PLD5: variants seen among roughly 807,000 people sequenced by gnomAD.
PLD5 encodes phospholipase D family member 5, also known as inactive phospholipase D5.
In PLD5, 36 loss-of-function variants were observed where a neutral mutation model predicts 61.1. The observed-to-expected ratio is 0.59, with a 90% CI of 0.45 to 0.78. The LOEUF is 0.78. PLD5 is among the 30% of genes least tolerant of loss of function. PLD5 has a pLI of 0.00. For missense variants in PLD5, 515 were observed against 644.4 expected (o/e 0.80, Z 2.17); for synonymous variants, 243 against 242.8 (o/e 1.00, Z -0.01).
chr1:242,515,511 C>A (rs982804333), intron 1 of PLD5, among the ~76,000 whole-genome samples: 1 of 152,208 alleles, frequency 6.6e-6, no homozygotes, highest in African/African-American at 2.4e-5. Context: ...CCACGCCTGG[C>A]CAGCTTTGCC....
intron 5 of PLD5, among the ~76,000 whole-genome samples, chr1:242,171,220 G>C (rs887518097): frequency 1.3e-5 from 2 of 152,214 alleles, no homozygotes; most frequent in African/African-American, 4.8e-5. Flanking sequence ...CCAGAAGAGA[G>C]TGGGGGCCAA....
chr1:242,346,966 TC>T (rs1660174027), intron 2 of PLD5, among the ~76,000 whole-genome samples: 1 of 152,242 alleles, frequency 6.6e-6, no homozygotes, highest in Admixed American at 6.5e-5. Flanking sequence ...TCCATTCATG[TC>T]CCTGCAAAGG....
At chr1:242,233,095 A>C (rs531683246) in intron 4 of PLD5, among the ~76,000 whole-genome samples, 1 of 152,310 alleles carries the variant, frequency 6.6e-6, no homozygotes, top group East Asian at 1.9e-4. Flanking sequence ...CCAAGGTTGC[A>C]GTGAGCTGAG....
chr1:242,123,730 C>T (rs763251203), intron 6 of PLD5, among the ~76,000 whole-genome samples: 24 of 152,142 alleles, frequency 1.6e-4, no homozygotes, highest in Non-Finnish European at 2.6e-4. Context: ...TTGAACAAAA[C>T]GATGTTATTG....
At chr1:242,318,217 C>T (rs1488224341) in intron 2 of PLD5, among the ~76,000 whole-genome samples, 1 of 152,092 alleles carries the variant, frequency 6.6e-6, no homozygotes, top group Non-Finnish European at 1.5e-5. Flanking sequence ...CTCAGACAGG[C>T]TGGGATTAAG....
At chr1:242,286,057 C>T (rs559215982) in intron 3 of PLD5, among the ~76,000 whole-genome samples, 23 of 151,886 alleles carry the variant, frequency 1.5e-4, no homozygotes, top group Admixed American at 3.3e-4. Context: ...TGCAGAGAGC[C>T]GAGGTCGCAC....
intron 3 of PLD5, among the ~76,000 whole-genome samples, chr1:242,270,506 T>C (rs1462982608): frequency 6.6e-6 from 1 of 152,198 alleles, no homozygotes; most frequent in Non-Finnish European, 1.5e-5. Flanking sequence ...CATTTTGTTA[T>C]GTTAAAGTCG....
At chr1:242,522,177 A>ACAAATGCT (rs1669301735) in intron 1 of PLD5, among the ~76,000 whole-genome samples, 1 of 152,244 alleles carries the variant, frequency 6.6e-6, no homozygotes, top group Non-Finnish European at 1.5e-5. Flanking sequence ...AAAAAGTAAA[A>ACAAATGCT]CAAATGCTAC....
intron 5 of PLD5, among the ~76,000 whole-genome samples, chr1:242,196,734 G>C (rs1668657904): frequency 6.6e-6 from 1 of 152,098 alleles, no homozygotes; most frequent in Admixed American, 6.6e-5. Context: ...GATGCCTCTA[G>C]AATAGAAATA....
chr1:242,338,031 A>G (rs1053426770), intron 2 of PLD5, among the ~76,000 whole-genome samples: 4 of 152,058 alleles, frequency 2.6e-5, no homozygotes, highest in African/African-American at 9.7e-5. Flanking sequence ...CAACCTTGCA[A>G]CCTGTTCTAA....
chr1:242,260,201 G>A (rs71648700), intron 4 of PLD5, among the ~76,000 whole-genome samples: 39,562 of 151,930 alleles, frequency 0.26, 5,819 homozygotes, highest in Non-Finnish European at 0.34. Flanking sequence ...ACAAAAATTA[G>A]CCAGGGCTGG....
intron 5 of PLD5, among the ~76,000 whole-genome samples, chr1:242,185,588 G>A (rs767909689): frequency 9.2e-5 from 14 of 152,182 alleles, no homozygotes; most frequent in Non-Finnish European, 1.9e-4. Context: ...CTTGCCTGGG[G>A]TAGAGAGATA....
At chr1:242,286,656 T>A (rs1265171362) in intron 3 of PLD5, among the ~76,000 whole-genome samples, 1 of 152,188 alleles carries the variant, frequency 6.6e-6, no homozygotes, top group Non-Finnish European at 1.5e-5. Flanking sequence ...TCATTCTTTG[T>A]CTAAAAAGTA....
chr1:242,333,224 C>G (rs1659296753), intron 2 of PLD5, among the ~76,000 whole-genome samples: 1 of 152,164 alleles, frequency 6.6e-6, no homozygotes, highest in Admixed American at 6.5e-5. Context: ...AGCAGAGGAT[C>G]CTGCAGGATC....
At chr1:242,461,864 T>C (rs752157265) in intron 1 of PLD5, among the ~76,000 whole-genome samples, 6 of 152,238 alleles carry the variant, frequency 3.9e-5, no homozygotes, top group Non-Finnish European at 8.8e-5. Flanking sequence ...TTTTTCCATG[T>C]TTGTCTTTTG....
rs1423270403 is a variant in PLD5, at chr1:242,434,879, AT to A, written c.190-86638del. Among the ~76,000 whole-genome samples the A allele has an allele frequency of 2.0e-5, 3 of 152,098 alleles. No individual in the cohort carries two copies. The East Asian group carries it at 5.8e-4, about 30-fold the overall frequency. ...CTGCCCACCTTGGCCTTCCAATTTA[AT>A]TTTACTTATTAAAGTTCAGGGTACA... On this transcript the variant is annotated intron_variant, in intron 1 of 9. Transcript: ENST00000536534.
chr1:242,219,765 C>T (rs1369123825), intron 5 of PLD5, among the ~76,000 whole-genome samples: 1 of 152,116 alleles, frequency 6.6e-6, no homozygotes, highest in Non-Finnish European at 1.5e-5. Flanking sequence ...CTATGAATTA[C>T]AAAAGCATTG....
At chr1:242,277,388 C>T (rs1429882135) in intron 3 of PLD5, among the ~76,000 whole-genome samples, 1 of 150,864 alleles carries the variant, frequency 6.6e-6, no homozygotes, top group African/African-American at 2.4e-5. Flanking sequence ...TTGCCACATG[C>T]TCCCTAAATA....
intron 1 of PLD5, chr1:242,377,386 G>A (rs543157201): frequency 4.1e-6 from 6 of 1,445,842 alleles, no homozygotes; most frequent in Admixed American, 1.7e-5. Context: ...TCCAAAACTG[G>A]TTCTTCTAAC....
Sources: allele counts gnomAD v4.1 joint callset (sites outside exome capture counted in the v4.1 genomes callset), GRCh38; gene constraint gnomAD v4.1.1; transcripts MANE v1.5; gene names NCBI Gene and HGNC (gene_info 2026-07-23, HGNC 2026-07-21).